KIAA1671: variants seen among roughly 807,000 people sequenced by gnomAD.
KIAA1671 encodes the protein KIAA1671.
In KIAA1671, 52 loss-of-function variants were observed where a neutral mutation model predicts 131.2. The ratio of observed to expected loss-of-function variants is 0.40; its 90% CI spans 0.32 to 0.50. The LOEUF (loss-of-function observed/expected upper bound fraction) is 0.50, where lower values mean the gene tolerates loss of function less well. Ranked by LOEUF, KIAA1671 falls within the 20% of genes least tolerant of loss-of-function variation. The pLI is 0.73. For missense variants in KIAA1671, 2,360 were observed against 2,364.2 expected (o/e 1.00, Z 0.04); for synonymous variants, 1,003 against 961.6 (o/e 1.04, Z -0.80).
At chr22:24,960,562 A>G (rs968793416) in intron 1 of KIAA1671, among the ~76,000 whole-genome samples, 5 of 151,440 alleles carry the variant, frequency 3.3e-5, no homozygotes, top group African/African-American at 9.7e-5. Flanking sequence ...AAAAAAAAAA[A>G]AAGAAAAAAC....
At chr22:25,132,925 G>A (rs1932506682) in intron 6 of KIAA1671, among the ~76,000 whole-genome samples, 1 of 152,028 alleles carries the variant, frequency 6.6e-6, no homozygotes, top group Non-Finnish European at 1.5e-5. Context: ...CGTGGTGGCA[G>A]GCACCTGTAA....
intron 6 of KIAA1671, among the ~76,000 whole-genome samples, chr22:25,100,402 G>A (rs77361995): frequency 1.1e-3 from 160 of 152,354 alleles, no homozygotes; most frequent in Non-Finnish European, 1.7e-3. Context: ...TGGAGTGGAA[G>A]GGAGGAGGAA....
rs1021246598 is a variant in KIAA1671 at position 25,157,111 on chromosome 22, A to G, written c.4531-13709A>G. ...GGATCAGTGGGAGCAGATTCCATTA[A>G]AAGGAGATGCTGGGAAACGTAAAAG... On this transcript the variant is annotated intron_variant, in intron 6 of 12. Transcript: ENST00000358431. 3.3e-5 allele frequency among the ~76,000 whole-genome samples: 5 copies of G among 152,344 alleles called. No individual in the cohort carries two copies. In the East Asian group the frequency reaches 9.6e-4, roughly 29 times the overall value.
chr22:25,159,078 G>A (rs1213822730), intron 6 of KIAA1671, among the ~76,000 whole-genome samples: 1 of 152,134 alleles, frequency 6.6e-6, no homozygotes, highest in East Asian at 1.9e-4. Context: ...CTTGGGTCTA[G>A]GGGAACCCTG....
intron 6 of KIAA1671, among the ~76,000 whole-genome samples, chr22:25,154,506 T>C (rs1933160523): frequency 6.6e-6 from 1 of 152,142 alleles, no homozygotes; most frequent in Non-Finnish European, 1.5e-5. Flanking sequence ...ATGGGGTGGA[T>C]TGGGAAATGG....
At chr22:25,074,122 A>C (rs1928971180) in intron 6 of KIAA1671, among the ~76,000 whole-genome samples, 1 of 152,178 alleles carries the variant, frequency 6.6e-6, no homozygotes, top group South Asian at 2.1e-4. Context: ...TGTTGCAAAT[A>C]ACACGATCTT....
At chr22:25,047,325 AT>A (rs1186895342) in intron 5 of KIAA1671, among the ~76,000 whole-genome samples, 1 of 150,752 alleles carries the variant, frequency 6.6e-6, no homozygotes, top group Non-Finnish European at 1.5e-5. Flanking sequence ...TGATTTTTAT[AT>A]TTTTAGTAGA....
chr22:25,014,405 G>C (rs946111135), intron 1 of KIAA1671: 1 of 151,910 alleles, frequency 6.6e-6, no homozygotes, highest in Non-Finnish European at 1.5e-5. Context: ...TGGGATTTAG[G>C]AATTTTTTTT....
chr22:25,090,961 C>G (rs1261058888), intron 6 of KIAA1671, among the ~76,000 whole-genome samples: 1 of 152,194 alleles, frequency 6.6e-6, no homozygotes, highest in African/African-American at 2.4e-5. Context: ...TGGTTCACTG[C>G]TGTATCCCTG....
At chr22:25,164,330 C>T (rs9624740) in intron 6 of KIAA1671, among the ~76,000 whole-genome samples, 53,099 of 152,104 alleles carry the variant, frequency 0.35, 11,114 homozygotes, top group African/African-American at 0.6. Flanking sequence ...GCTGTTCCTG[C>T]TTCTGGGCTT....
intron 4 of KIAA1671, among the ~76,000 whole-genome samples, chr22:25,036,862 T>C (rs1602087040): frequency 6.6e-6 from 1 of 151,832 alleles, no homozygotes; most frequent in Non-Finnish European, 1.5e-5. Context: ...AGGCAGAGAT[T>C]GCGGTGAGCC....
chr22:24,983,182 G>T (rs995283490), intron 1 of KIAA1671, among the ~76,000 whole-genome samples: 3 of 152,178 alleles, frequency 2.0e-5, no homozygotes, highest in Admixed American at 6.5e-5. Context: ...TTCGGCTTGT[G>T]CTTTTCTGAG....
intron 6 of KIAA1671, among the ~76,000 whole-genome samples, chr22:25,067,376 G>A (rs974889177): frequency 1.3e-5 from 2 of 151,896 alleles, no homozygotes; most frequent in Non-Finnish European, 2.9e-5. Flanking sequence ...GTCCCTGCCC[G>A]CCTCCCGGGC....
At chr22:25,179,365 G>A in intron 9 of KIAA1671, 1 of 1,603,556 alleles carries the variant, frequency 6.2e-7, no homozygotes, top group East Asian at 2.3e-5. Flanking sequence ...GCCGCGTGCA[G>A]CTCCTCGCGC....
Position 25,041,121 on chromosome 22 carries a change from G to A in KIAA1671, c.3991G>A (p.Ala1331Thr). 2 of 1,549,992 alleles carry A rather than the reference G, an allele frequency of 1.3e-6. No homozygotes were observed. The highest frequency in any genetic ancestry group is 1.7e-6 in the Non-Finnish European group (2 of 1,145,924). Reference sequence around the variant, plus strand: ...GGGGTTTGCTGAGGATGACAGAAAGGCCTTTGCCAGTAAACATCATGTTGC... The same window carrying A: ...GGGGTTTGCTGAGGATGACAGAAAGACCTTTGCCAGTAAACATCATGTTGC... ...KTGFAEDDRK[A>T]FASKHHVAKC... Residue 1331 changes from alanine (A) to threonine (T), a missense_variant, in exon 5 of 13, where the codon GCC becomes ACC. Around this residue, in one of 3 missense-constraint regions of KIAA1671, gnomAD observed 1,161 missense variants for 1,204.7 expected, o/e 0.96. Transcript: ENST00000358431.
At chr22:25,188,447 G>GGGGTGT (rs1347509182) in intron 11 of KIAA1671, among the ~76,000 whole-genome samples, 75 of 137,972 alleles carry the variant, frequency 5.4e-4, no homozygotes, top group East Asian at 1.3e-3. Flanking sequence ...GAGCCAATCG[G>GGGGTGT]GTGTGTGTGT....
intron 6 of KIAA1671, chr22:25,111,746 CA>C (rs60341385): frequency 1 from 146,174 of 146,176 alleles, 73,086 homozygotes; most frequent in Middle Eastern, 1. Flanking sequence ...CGAGGGTGCC[CA>C]AAGGCCGCCC....
intron 6 of KIAA1671, chr22:25,112,322 C>T (rs1232652167): frequency 1.8e-5 from 7 of 398,900 alleles, no homozygotes; most frequent in East Asian, 3.6e-5. Flanking sequence ...GTCGGCCAGC[C>T]GGACCCCCTT....
chr22:24,971,486 T>C lies in KIAA1671; in HGVS notation c.-208+18714T>C, dbSNP rs150235017. 1.8e-4 allele frequency among the ~76,000 whole-genome samples: 27 copies of C among 152,322 alleles called. No individual in the cohort carries two copies. In the East Asian group the frequency reaches 5.2e-3, roughly 29 times the overall value. On this transcript the variant is annotated intron_variant, in intron 1 of 12. Transcript: ENST00000358431. ...GAGAAAAGCTCCTTGTTTTTCTTGT[T>C]CATGACACCTCAATGCCATGCCAGG... is the stretch of plus-strand genomic sequence containing the variant.
Sources: allele counts gnomAD v4.1 joint callset (sites outside exome capture counted in the v4.1 genomes callset), GRCh38; gene constraint gnomAD v4.1.1; regional missense constraint gnomAD v4.1.1; transcripts MANE v1.5; gene names NCBI Gene and HGNC (gene_info 2026-07-23, HGNC 2026-07-21).